GTF2H3: variants seen among roughly 807,000 people sequenced by gnomAD.
The protein encoded by GTF2H3 is general transcription factor IIH subunit 3.
In GTF2H3, 42 loss-of-function variants were observed where a neutral mutation model predicts 51.1. The observed-to-expected ratio is 0.82, with a 90% CI of 0.64 to 1.06. GTF2H3 has a LOEUF of 1.06. Ranked by LOEUF, GTF2H3 falls within the 50% of genes least tolerant of loss-of-function variation. The probability of loss-of-function intolerance (pLI) is 0.00; values close to 1 mark genes in which losing one functional copy is unlikely to be tolerated. For missense variants in GTF2H3, 326 were observed against 366.1 expected (o/e 0.89, Z 0.89); for synonymous variants, 123 against 123.8 (o/e 0.99, Z 0.04).
rs752264755 is a variant in GTF2H3, at chr12:123,645,449, C to G, written c.94-6C>G. On this transcript the variant is annotated splice_region_variant and splice_polypyrimidine_tract_variant and intron_variant, in intron 2 of 12. Coordinates refer to ENST00000543341, the MANE Select transcript of GTF2H3 (RefSeq NM_001516.5). Reference sequence around the variant, plus strand: ...TGTTTTTCTAATGTCTTTTTTTTTCCAACAGTTCACTTTATCCAAATGCAT... The same window carrying G: ...TGTTTTTCTAATGTCTTTTTTTTTCGAACAGTTCACTTTATCCAAATGCAT... 9.5e-6 allele frequency: 14 copies of G among 1,473,806 alleles called. No individual in the cohort carries two copies. In the African/African-American group the frequency reaches 2.0e-4, roughly 21 times the overall value. The allele number at this position is 1,473,806 out of a possible 1,614,324, so 91.3% of individuals were successfully genotyped here. A position where few individuals can be genotyped will look rare whatever the true frequency, so the allele number is the denominator to read the frequency against.
intron 1 of GTF2H3, among the ~76,000 whole-genome samples, chr12:123,636,445 G>A (rs1378772819): frequency 2.0e-5 from 3 of 152,370 alleles, no homozygotes; most frequent in Non-Finnish European, 2.9e-5. Context: ...AGCAAAGTAC[G>A]GAGGGAGGAA....
chr12:123,637,859 G>A (rs1023602865), intron 1 of GTF2H3, among the ~76,000 whole-genome samples: 3 of 152,052 alleles, frequency 2.0e-5, no homozygotes, highest in Non-Finnish European at 4.4e-5. Context: ...TGATGAGTAC[G>A]GGCCAAATTG....
chr12:123,635,360 C>T (rs1222374674), intron 1 of GTF2H3, among the ~76,000 whole-genome samples: 2 of 152,006 alleles, frequency 1.3e-5, no homozygotes, highest in Non-Finnish European at 1.5e-5. Flanking sequence ...CACTTGAGGT[C>T]GGGAGTTCGA....
chr12:123,640,730 T>G (rs1440135434), intron 2 of GTF2H3, among the ~76,000 whole-genome samples: 1 of 152,142 alleles, frequency 6.6e-6, no homozygotes, highest in Non-Finnish European at 1.5e-5. Flanking sequence ...GACTTGAAAA[T>G]TATATGAAAT....
Position 123,633,868 on chromosome 12 carries a change from A to C in GTF2H3, c.9A>C (p.Ser3=). The part of the protein sequence containing the change: MV[S]DEDELNLLVI... ...GAGGTGCTGGGACAGCCATGGTTTC[A>C]GACGGTGAGGACCCTGCAGGGCGGG... Residue 3 remains serine (S), a synonymous_variant, in exon 1 of 13, where the codon TCA becomes TCC. Coordinates refer to ENST00000543341, the MANE Select transcript of GTF2H3 (RefSeq NM_001516.5). The C allele has an allele frequency of 6.2e-7, 1 of 1,613,470 alleles. No homozygotes were observed. Among genetic ancestry groups the C allele is most frequent in the Non-Finnish European group, 8.5e-7 (1 of 1,179,996 alleles).
At chr12:123,647,513 G>A (rs1955465252) in intron 3 of GTF2H3, among the ~76,000 whole-genome samples, 1 of 151,972 alleles carries the variant, frequency 6.6e-6, no homozygotes, top group African/African-American at 2.4e-5. Context: ...AATCTTTTCA[G>A]GGACCTTTGG....
chr12:123,651,211 G>C, intron 5 of GTF2H3, 155 bp downstream of exon 5: 1 of 552,280 alleles, frequency 1.8e-6, no homozygotes, highest in Non-Finnish European at 3.3e-6. Flanking sequence ...CATTGGCTTT[G>C]AATTTTTTTT....
intron 9 of GTF2H3, among the ~76,000 whole-genome samples, chr12:123,658,475 G>T (rs916498572): frequency 6.6e-6 from 1 of 152,096 alleles, no homozygotes; most frequent in South Asian, 2.1e-4. Flanking sequence ...GATTACAGGC[G>T]TGAGCCACCG....
chr12:123,651,036 C>A lies in GTF2H3; in HGVS notation c.407C>A (p.Ser136Tyr), dbSNP rs1484402440. 3.7e-6 allele frequency: 6 copies of A among 1,612,576 alleles called. No individual in the cohort carries two copies. The highest frequency in any genetic ancestry group is 5.1e-6 in the Non-Finnish European group (6 of 1,178,658). Residue 136 changes from serine to tyrosine, a missense_variant, in exon 5 of 13, where the codon TCC (serine) becomes TAC (tyrosine). Transcript: ENST00000543341. The part of the protein sequence containing the change: ...GQHTETLLAG[S>Y]LAKALCYIHR... ...CATACAGAAACTTTGCTGGCAGGAT[C>A]CCTGGCCAAAGCCCTTTGCTGTATC...
intron 3 of GTF2H3, among the ~76,000 whole-genome samples, chr12:123,645,770 A>G (rs552664901): frequency 2.0e-5 from 3 of 152,350 alleles, no homozygotes; most frequent in African/African-American, 4.8e-5. Flanking sequence ...GAGTTACACA[A>G]TGGCCCATGT....
intron 2 of GTF2H3, among the ~76,000 whole-genome samples, chr12:123,643,021 G>A (rs1428551914): frequency 2.0e-5 from 3 of 152,056 alleles, no homozygotes; most frequent in African/African-American, 7.2e-5. Flanking sequence ...ACAGGCACAC[G>A]TCACCATGCC....
chr12:123,662,288 T>G lies in GTF2H3; in HGVS notation c.*2053T>G, dbSNP rs1247176288. 5.3e-5 allele frequency: 8 copies of G among 152,178 alleles called. No homozygotes were observed. The highest frequency in any genetic ancestry group is 8.8e-5 in the Non-Finnish European group (6 of 68,026). The allele number at this position is 152,178 out of a possible 1,614,324, so 9.4% of individuals were successfully genotyped here. ...AGATAATTTCAGATAGATTTTATAT[T>G]CTGGATTTGTGTTTTTGTTAACAAA... On this transcript the variant is annotated 3_prime_UTR_variant, in exon 13 of 13. Transcript: ENST00000543341.
At chr12:123,657,355 G>T (rs1021169140) in intron 9 of GTF2H3, among the ~76,000 whole-genome samples, 8 of 152,178 alleles carry the variant, frequency 5.3e-5, no homozygotes, top group Non-Finnish European at 2.9e-5. Context: ...GGAACCTTTT[G>T]CCCCGCATCT....
chr12:123,652,500 A>G, intron 5 of GTF2H3, 32 bp from the exon 6 acceptor site: 1 of 1,198,170 alleles, frequency 8.3e-7, no homozygotes, highest in Non-Finnish European at 1.2e-6. Flanking sequence ...GCAAAATAAT[A>G]TTTTTGTATT....
Position 123,638,792 on chromosome 12 carries a change from C to CTT in GTF2H3, c.14-452_14-451dup, listed in dbSNP as rs775845249. Among the ~76,000 whole-genome samples the CTT allele has an allele frequency of 5.2e-3, 624 of 119,680 alleles. 10 individuals are homozygous for CTT. The highest frequency in any genetic ancestry group is 0.014 in the African/African-American group (430 of 30,836). The allele number at this position is 119,680 out of a possible 152,430, so 78.5% of individuals were successfully genotyped here. A position where few individuals can be genotyped will look rare whatever the true frequency, so the allele number is the denominator to read the frequency against. ...GCTAAGGGCCCACTGTGCTTTAAAGCTTTTTTTTTTTTTTTTTTTTTGAGA... is the reference window on the plus strand; with the variant it reads ...GCTAAGGGCCCACTGTGCTTTAAAGCTTTTTTTTTTTTTTTTTTTTTTTGAGA... On this transcript the variant is annotated intron_variant, in intron 1 of 12. Coordinates refer to ENST00000543341, the MANE Select transcript of GTF2H3 (RefSeq NM_001516.5).
In GTF2H3 at chr12:123,635,598, A is replaced by T. The variant is rs541189677; in HGVS notation, c.13+1726A>T. On this transcript the variant is annotated intron_variant, in intron 1 of 12. Coordinates refer to ENST00000543341, the MANE Select transcript of GTF2H3 (RefSeq NM_001516.5). ...AAAAAAAAAAAAAAAAAAAAGGTAG[A>T]GATAAGGTCTCACTGTTTTGCCCAG... Among the ~76,000 whole-genome samples the T allele has an allele frequency of 1.8e-3, 266 of 147,124 alleles. 1 individual carries two copies. Among genetic ancestry groups the T allele is most frequent in the African/African-American group, 6.0e-3 (241 of 40,114 alleles).
chr12:123,660,325 G>A lies in GTF2H3; in HGVS notation c.*90G>A. The A allele has an allele frequency of 1.1e-6, 1 of 896,588 alleles. No homozygotes were observed. Among genetic ancestry groups the A allele is most frequent in the Non-Finnish European group, 1.7e-6 (1 of 580,934 alleles). 55.5% of individuals were successfully genotyped at this position (896,588 alleles called of 1,614,324 possible). A position where few individuals can be genotyped will look rare whatever the true frequency, so the allele number is the denominator to read the frequency against. On this transcript the variant is annotated 3_prime_UTR_variant, in exon 13 of 13. Coordinates refer to ENST00000543341, the MANE Select transcript of GTF2H3 (RefSeq NM_001516.5). ...GGAAGACTGAAAAAAATAAAGATAG[G>A]TATAGGATAATTTTTAATATGGTGA... is the stretch of plus-strand genomic sequence containing the variant.
Position 123,654,923 on chromosome 12 carries a change from G to A in GTF2H3, c.487-1G>A, listed in dbSNP as rs1484073334. 5.0e-6 allele frequency: 8 copies of A among 1,609,246 alleles called. No individual in the cohort carries two copies. The highest frequency in any genetic ancestry group is 6.8e-6 in the Non-Finnish European group (8 of 1,175,590). On this transcript the variant is annotated splice_acceptor_variant, in intron 7 of 12. Transcript: ENST00000543341. LOFTEE classifies it high-confidence loss of function. Reference sequence around the variant, plus strand: ...GGAATTAACATGACTGTGATTTTTAGGTGATTAAGGCTGCAGAAGACAGTG... The same window carrying A: ...GGAATTAACATGACTGTGATTTTTAAGTGATTAAGGCTGCAGAAGACAGTG...
Position 123,659,574 on chromosome 12 carries a change from A to G in GTF2H3, c.674A>G (p.Gln225Arg), listed in dbSNP as rs773853949. The G allele has an allele frequency of 6.2e-7, 1 of 1,613,946 alleles. No individual in the cohort carries two copies. Among genetic ancestry groups the G allele is most frequent in the East Asian group, 2.2e-5 (1 of 44,862 alleles). Residue 225 changes from glutamine to arginine, a missense_variant, in exon 10 of 13, where the codon CAG becomes CGG. Coordinates refer to ENST00000543341, the MANE Select transcript of GTF2H3 (RefSeq NM_001516.5). Reference protein sequence around the residue: ...LKVPQMPSLLQYLLWVFLPDQ... With the variant: ...LKVPQMPSLLRYLLWVFLPDQ... ...GTGCCTCAGATGCCTTCTCTTCTGC[A>G]GTATTTGCTGGTAAGGAGACAGCAG...
Sources: allele counts gnomAD v4.1 joint callset (sites outside exome capture counted in the v4.1 genomes callset), GRCh38; gene constraint gnomAD v4.1.1; transcripts MANE v1.5; gene names NCBI Gene and HGNC (gene_info 2026-07-23, HGNC 2026-07-21).